GLB1L2: variants seen among roughly 807,000 people sequenced by gnomAD.
The protein encoded by GLB1L2 is beta-galactosidase-1-like protein 2.
Under a neutral mutation model 84.1 loss-of-function variants are expected in GLB1L2, and 68 were observed. That is an observed-to-expected ratio of 0.81 (90% CI 0.67 to 0.99). GLB1L2 has a LOEUF of 0.99. Among genes scored for constraint, GLB1L2 ranks in the 50% least tolerant of loss-of-function variants. The pLI, the probability that GLB1L2 is intolerant of heterozygous loss-of-function variation, is 0.00. For missense variants in GLB1L2, 762 were observed against 805.6 expected (o/e 0.95, Z 0.66); for synonymous variants, 290 against 318.0 (o/e 0.91, Z 0.94).
At chr11:134,369,395 A>G (rs1015995018) in intron 10 of GLB1L2, among the ~76,000 whole-genome samples, 4 of 152,072 alleles carry the variant, frequency 2.6e-5, no homozygotes, top group Non-Finnish European at 4.4e-5. Context: ...GGGTCTCGCT[A>G]TGTTGCCCAG....
intron 4 of GLB1L2, 78 bp downstream of exon 4, chr11:134,345,207 A>G: frequency 7.9e-7 from 1 of 1,261,260 alleles, no homozygotes; most frequent in South Asian, 2.1e-5. Flanking sequence ...TCTGTGTTCC[A>G]GTTCCCATTC....
intron 7 of GLB1L2, among the ~76,000 whole-genome samples, chr11:134,363,434 C>G (rs1248689943): frequency 6.6e-6 from 1 of 152,202 alleles, no homozygotes; most frequent in African/African-American, 2.4e-5. Flanking sequence ...TGCCTGTGAA[C>G]TGACTGTTAG....
At chr11:134,353,201 G>A (rs1943656608) in intron 5 of GLB1L2, among the ~76,000 whole-genome samples, 1 of 152,012 alleles carries the variant, frequency 6.6e-6, no homozygotes, top group Admixed American at 6.6e-5. Context: ...TTGAGGTCGG[G>A]AGTTAGAGAC....
Position 134,371,440 on chromosome 11 carries a change from C to T in GLB1L2, c.1376C>T (p.Ser459Phe), listed in dbSNP as rs1408511727. The change falls in exon 14 of 19, where the codon TCC becomes TTC. Residue 459 changes from serine to phenylalanine, a missense_variant. Around this residue, in one of 3 missense-constraint regions of GLB1L2, gnomAD observed 603 missense variants for 611.7 expected, o/e 0.99. Coordinates refer to ENST00000535456, the MANE Select transcript of GLB1L2 (RefSeq NM_001370461.1). ...DRGQVFVNTV[S>F]IGFLDYKTTK... ...TGGCAGGTGTTTGTGAACACAGTAT[C>T]CATAGGATTCTTGGACTACAAGACA... The T allele has an allele frequency of 6.3e-7, 1 of 1,595,496 alleles. No individual in the cohort carries two copies. The highest frequency in any genetic ancestry group is 1.7e-5 in the Admixed American group (1 of 59,986).
intron 8 of GLB1L2, chr11:134,366,984 C>A (rs949314749): frequency 4.8e-5 from 23 of 477,006 alleles, no homozygotes; most frequent in African/African-American, 4.1e-4. Context: ...CTTGCTAACA[C>A]GTATGCAACA....
rs886210590 is a variant in GLB1L2, at chr11:134,355,964, T to C, written c.559-337T>C. The C allele has an allele frequency of 7.1e-5, 34 of 482,192 alleles. 1 individual carries two copies. The highest frequency in any genetic ancestry group is 3.1e-4 in the Middle Eastern group (1 of 3,228). The allele number at this position is 482,192 out of a possible 1,614,324, so 29.9% of individuals were successfully genotyped here. A position where few individuals can be genotyped will look rare whatever the true frequency, so the allele number is the denominator to read the frequency against. On this transcript the variant is annotated intron_variant, in intron 5 of 18. Transcript: ENST00000535456. ...ATCCTCCTGACCACACCATGCTACA[T>C]TGGGGTGGGGCAAGAACTTGTGAAA...
At chr11:134,373,688 G>A in intron 15 of GLB1L2, 33 bp from the exon 16 acceptor site, 5 of 1,465,546 alleles carry the variant, frequency 3.4e-6, no homozygotes, top group Non-Finnish European at 4.8e-6. Flanking sequence ...CCCTGCCTTT[G>A]GGCTACCCAC....
intron 8 of GLB1L2, chr11:134,367,038 C>T: frequency 1.7e-6 from 1 of 582,104 alleles, no homozygotes; most frequent in Non-Finnish European, 3.1e-6. Context: ...GGAGCTTTAT[C>T]TGCTCTATAC....
At chr11:134,359,586 C>T (rs777928716) in intron 7 of GLB1L2, 2 of 155,498 alleles carry the variant, frequency 1.3e-5, no homozygotes, top group Non-Finnish European at 2.8e-5. Flanking sequence ...GCTAGCAGCA[C>T]CCCTGGCCTG....
At chr11:134,340,613 G>A (rs1377365027) in intron 1 of GLB1L2, among the ~76,000 whole-genome samples, 2 of 152,230 alleles carry the variant, frequency 1.3e-5, no homozygotes, top group Admixed American at 6.5e-5. Flanking sequence ...GTGGCCCAGA[G>A]GGGCCGAGGC....
chr11:134,360,866 T>A (rs1458390261), intron 7 of GLB1L2: 1 of 152,234 alleles, frequency 6.6e-6, no homozygotes, highest in Non-Finnish European at 1.5e-5. Flanking sequence ...TTAAAAGTTC[T>A]GCCTATTGGC....
chr11:134,375,373 G>T lies in GLB1L2; in HGVS notation c.*315G>T, dbSNP rs576189613. The T allele has an allele frequency of 1.5e-5, 5 of 333,750 alleles. No homozygotes were observed. The highest frequency in any genetic ancestry group is 1.1e-4 in the African/African-American group (5 of 46,680). The allele number at this position is 333,750 out of a possible 1,614,324, so 20.7% of individuals were successfully genotyped here. On this transcript the variant is annotated 3_prime_UTR_variant, in exon 19 of 19. Coordinates refer to ENST00000535456, the MANE Select transcript of GLB1L2 (RefSeq NM_001370461.1). ...GCCTTTGGCCCTCAGAAAAAGTGCT[G>T]AAACGTGCCCTTGCACTGGACGTCA...
At chr11:134,358,561 A>G (rs1943738026) in intron 6 of GLB1L2, among the ~76,000 whole-genome samples, 1 of 152,266 alleles carries the variant, frequency 6.6e-6, no homozygotes, top group African/African-American at 2.4e-5. Flanking sequence ...TGGGCACGTG[A>G]CAGGGCATGG....
chr11:134,355,857 T>C (rs536001080), intron 5 of GLB1L2, among the ~76,000 whole-genome samples: 9 of 152,190 alleles, frequency 5.9e-5, no homozygotes, highest in Non-Finnish European at 1.2e-4. Flanking sequence ...GTGAACAAGT[T>C]AGAACATTGT....
intron 2 of GLB1L2, 25 bp from the exon 3 acceptor site, chr11:134,344,362 C>A: frequency 6.2e-7 from 1 of 1,613,448 alleles, no homozygotes; most frequent in Non-Finnish European, 8.5e-7. Flanking sequence ...CATGCTCTAG[C>A]CTATAATTAT....
At chr11:134,347,516 G>A in intron 5 of GLB1L2, 83 bp downstream of exon 5, 1 of 939,190 alleles carries the variant, frequency 1.1e-6, no homozygotes, top group South Asian at 1.3e-5. Flanking sequence ...TCAGACCAAG[G>A]GTCCTCCAGT....
intron 1 of GLB1L2, 84 bp downstream of exon 1, chr11:134,332,231 C>A: frequency 2.0e-6 from 2 of 982,876 alleles, no homozygotes; most frequent in South Asian, 1.6e-5. Context: ...CCGCGACCCG[C>A]GAATCCCGAG....
intron 5 of GLB1L2, among the ~76,000 whole-genome samples, chr11:134,349,497 GT>G (rs924670171): frequency 1.3e-5 from 2 of 152,088 alleles, no homozygotes; most frequent in East Asian, 3.9e-4. Flanking sequence ...TCTACATTCA[GT>G]TTTTTTTAGG....
chr11:134,365,444 G>C (rs1039697585), intron 8 of GLB1L2, among the ~76,000 whole-genome samples: 1 of 152,178 alleles, frequency 6.6e-6, no homozygotes, highest in African/African-American at 2.4e-5. Flanking sequence ...GAGATGACAG[G>C]GTCTCCTGCC....
Sources: allele counts gnomAD v4.1 joint callset (sites outside exome capture counted in the v4.1 genomes callset), GRCh38; gene constraint gnomAD v4.1.1; regional missense constraint gnomAD v4.1.1; transcripts MANE v1.5; gene names NCBI Gene and HGNC (gene_info 2026-07-23, HGNC 2026-07-21).